Variants in IQSEC1 observed in about 807,000 individuals in gnomAD.
IQSEC1 encodes the protein IQ motif and SEC7 domain-containing protein 1.
In IQSEC1, 31 loss-of-function variants were observed where a neutral mutation model predicts 91.0. That is an observed-to-expected ratio of 0.34 (90% CI 0.26 to 0.46). The LOEUF (loss-of-function observed/expected upper bound fraction) is 0.46. Among genes scored for constraint, IQSEC1 ranks in the 20% least tolerant of loss-of-function variants. IQSEC1 has a pLI of 1.00. For synonymous variants in IQSEC1, 699 were observed against 662.6 expected (o/e 1.05, Z -0.84); for missense variants, 1,388 against 1,575.6 (o/e 0.88, Z 2.02).
At chr3:13,078,444 C>T (rs187852561) in intron 2 of IQSEC1, among the ~76,000 whole-genome samples, 25 of 152,318 alleles carry the variant, frequency 1.6e-4, no homozygotes, top group African/African-American at 6.0e-4. Context: ...CACCCAACGG[C>T]TGCCATACCC....
At chr3:13,252,695 C>G (rs557700919) in intron 1 of IQSEC1, among the ~76,000 whole-genome samples, 2 of 151,784 alleles carry the variant, frequency 1.3e-5, no homozygotes, top group East Asian at 3.9e-4. Flanking sequence ...CACAACTTCA[C>G]CAACAGACTT....
At chr3:12,975,315 C>G (rs145279468) in intron 1 of IQSEC1, among the ~76,000 whole-genome samples, 17 of 152,358 alleles carry the variant, frequency 1.1e-4, no homozygotes, top group African/African-American at 4.1e-4. Flanking sequence ...GCTCCATGTT[C>G]TGGAGCATGA....
intron 1 of IQSEC1, among the ~76,000 whole-genome samples, chr3:13,185,642 G>A (rs750510099): frequency 2.6e-5 from 4 of 152,238 alleles, no homozygotes; most frequent in Non-Finnish European, 4.4e-5. Context: ...ATAAAGGCTG[G>A]AACGTTGCTG....
At chr3:12,958,197 C>T (rs1700035349) in intron 1 of IQSEC1, among the ~76,000 whole-genome samples, 1 of 152,232 alleles carries the variant, frequency 6.6e-6, no homozygotes, top group Admixed American at 6.5e-5. Context: ...CGGCAGCTGC[C>T]AGGCCCCACA....
chr3:13,087,903 G>A (rs1414942419), intron 2 of IQSEC1, among the ~76,000 whole-genome samples: 1 of 152,116 alleles, frequency 6.6e-6, no homozygotes, highest in Non-Finnish European at 1.5e-5. Context: ...CCGCTCCCAG[G>A]ACAACTACCC....
At chr3:12,931,365 A>G (rs536625899) in intron 3 of IQSEC1, among the ~76,000 whole-genome samples, 1 of 152,326 alleles carries the variant, frequency 6.6e-6, no homozygotes, top group African/African-American at 2.4e-5. Flanking sequence ...GCAGCACTGC[A>G]CATCCTCTGG....
intron 1 of IQSEC1, among the ~76,000 whole-genome samples, chr3:13,025,893 AC>A (rs1436168767): frequency 2.6e-5 from 4 of 150,998 alleles, no homozygotes; most frequent in Non-Finnish European, 4.4e-5. Flanking sequence ...GCTTCCTGAC[AC>A]CCCCAAGTGG....
At chr3:13,138,414 C>T (rs1166719455) in intron 2 of IQSEC1, among the ~76,000 whole-genome samples, 1 of 152,034 alleles carries the variant, frequency 6.6e-6, no homozygotes, top group South Asian at 2.1e-4. Flanking sequence ...GACCCTGATG[C>T]CCCATGTGGA....
chr3:13,189,213 G>C (rs529555583), intron 1 of IQSEC1, among the ~76,000 whole-genome samples: 1 of 152,324 alleles, frequency 6.6e-6, no homozygotes, highest in East Asian at 1.9e-4. Context: ...CATCCTTCCT[G>C]TGCCCATGAC....
In IQSEC1 at chr3:13,179,995, C is replaced by A. The variant is rs542278089; in HGVS notation, c.273-15862G>T. Among the ~76,000 whole-genome samples, 12 of 142,912 alleles carry A rather than the reference C, an allele frequency of 8.4e-5. No individual in the cohort carries two copies. The South Asian group carries it at 2.5e-3, about 30-fold the overall frequency. 93.8% of individuals were successfully genotyped at this position (142,912 alleles called of 152,430 possible). A position where few individuals can be genotyped will look rare whatever the true frequency, so the allele number is the denominator to read the frequency against. On this transcript the variant is annotated intron_variant, in intron 1 of 15. Transcript: ENST00000648114. ...CAGCCCACCATGCCTGAGCCTCCCC[C>A]ACCCCCTCTCCGTGGGCTCCTGTGA...
At chr3:13,023,825 A>G (rs1404022357) in intron 1 of IQSEC1, among the ~76,000 whole-genome samples, 2 of 152,210 alleles carry the variant, frequency 1.3e-5, no homozygotes, top group Non-Finnish European at 2.9e-5. Context: ...CTGTCATCAG[A>G]GGAGGCTTCA....
In IQSEC1 at chr3:13,207,195, G is replaced by A. The variant is rs376935797; in HGVS notation, c.273-43062C>T. Among the ~76,000 whole-genome samples the A allele has an allele frequency of 2.6e-5, 4 of 152,118 alleles. No individual in the cohort carries two copies. In the South Asian group the frequency reaches 8.3e-4, roughly 32 times the overall value. ...ACCTGATGTCTAACAAGCGTCTCTG[G>A]CTGAACACACCCAGACCAAGCTCTT... On this transcript the variant is annotated intron_variant, in intron 1 of 15. Transcript: ENST00000648114. This position sits in a 1 kb window ranked among gnomAD's most constrained non-coding sequence, Gnocchi z 4.8.
rs367684446 is a variant in IQSEC1 at position 13,002,483 on chromosome 3, A to G, written c.24-60618T>C. Reference sequence around the variant, plus strand: ...GATTGCCTGAGCCCAGGAGTTCGAGACTGTAGGGAGCCATGATCATGCCAT... The same window carrying G: ...GATTGCCTGAGCCCAGGAGTTCGAGGCTGTAGGGAGCCATGATCATGCCAT... On this transcript the variant is annotated intron_variant, in intron 1 of 13. Transcript: ENST00000613206. Among the ~76,000 whole-genome samples the G allele has an allele frequency of 1.1e-3, 168 of 151,144 alleles. 1 individual carries two copies. The highest frequency in any genetic ancestry group is 3.6e-3 in the African/African-American group (150 of 41,114).
At chr3:13,158,270 G>GA (rs1202528804) in intron 2 of IQSEC1, among the ~76,000 whole-genome samples, 13 of 152,216 alleles carry the variant, frequency 8.5e-5, no homozygotes, top group Non-Finnish European at 1.9e-4. Flanking sequence ...TTCCTGGAGA[G>GA]AAAGAGTTCA....
Position 13,073,197 on chromosome 3 carries a change from C to T in IQSEC1, c.-183G>A, listed in dbSNP as rs975115903. The T allele has an allele frequency of 1.5e-6, 1 of 685,926 alleles. No individual in the cohort carries two copies. Among genetic ancestry groups the T allele is most frequent in the Non-Finnish European group, 2.5e-6 (1 of 396,668 alleles). 42.5% of individuals were successfully genotyped at this position (685,926 alleles called of 1,614,324 possible). On this transcript the variant is annotated 5_prime_UTR_variant, in exon 1 of 14. Coordinates refer to ENST00000613206, the MANE Select transcript of IQSEC1 (RefSeq NM_001134382.3). ...AGGCTGGGGCGGGAGCGGGGGGCGG[C>T]GCCAGCAGCGGGCTGTGGAGGGCCC...
chr3:13,110,201 T>C (rs1452041592), intron 2 of IQSEC1, among the ~76,000 whole-genome samples: 1 of 152,016 alleles, frequency 6.6e-6, no homozygotes, highest in Non-Finnish European at 1.5e-5. Context: ...TCGTTTTTGT[T>C]TATGAAGTGC....
rs187799394 is a variant in IQSEC1 at position 12,951,405 on chromosome 3, G to A, written c.24-9540C>T. On this transcript the variant is annotated intron_variant, in intron 1 of 13. Coordinates refer to ENST00000613206, the MANE Select transcript of IQSEC1 (RefSeq NM_001134382.3). ...ACCACTGGGCAACAGAGTGAAACTCGGAGTGTACTCCAGCTGGGCAACAAA... is the reference window on the plus strand; with the variant it reads ...ACCACTGGGCAACAGAGTGAAACTCAGAGTGTACTCCAGCTGGGCAACAAA... 4.9e-3 allele frequency among the ~76,000 whole-genome samples: 751 copies of A among 151,934 alleles called. 5 individuals carry two copies. Among genetic ancestry groups the A allele is most frequent in the African/African-American group, 0.018 (729 of 41,418 alleles).
chr3:13,000,138 C>CA (rs964620857), intron 1 of IQSEC1, among the ~76,000 whole-genome samples: 4 of 151,626 alleles, frequency 2.6e-5, no homozygotes, highest in South Asian at 2.1e-4. Context: ...CAATCAAAAA[C>CA]AAAAAAAATG....
rs761549809 is a variant in IQSEC1, at chr3:12,936,482, G to C, written c.534C>G (p.Phe178Leu). Reference protein sequence around the residue: ...EGPEKVHSSYFEGKQVSVTND... With the variant: ...EGPEKVHSSYLEGKQVSVTND... ...TAGTCACTGAGACCTGCTTCCCCTC[G>C]AAGTAGGAGCTGTGCACTTTCTCAG... The change falls in exon 3 of 14, where the codon TTC becomes TTG. Residue 178 changes from phenylalanine (F) to leucine (L), a missense_variant. Phe to Leu is a conservative substitution (Grantham distance 22). Around this residue, in one of 2 missense-constraint regions of IQSEC1, gnomAD observed 1,059 missense variants for 1,317.8 expected, o/e 0.80. Transcript: ENST00000613206. 1 of 1,612,270 alleles carries C rather than the reference G, an allele frequency of 6.2e-7. No individual in the cohort carries two copies. The highest frequency in any genetic ancestry group is 8.5e-7 in the Non-Finnish European group (1 of 1,179,066).
Sources: gnomAD v4.1 joint callset for allele counts (sites outside exome capture counted in the v4.1 genomes callset) on GRCh38, gnomAD v4.1.1 for gene constraint, gnomAD v4.1.1 regional missense constraint, Gnocchi (gnomAD v3.1) non-coding constraint, MANE v1.5 for transcripts, NCBI Gene and HGNC (gene_info 2026-07-23, HGNC 2026-07-21) for gene names.